Variants in AKT3 observed in about 807,000 individuals in gnomAD.
AKT3 encodes AKT serine/threonine kinase 3.
A neutral mutation model predicts 65.3 loss-of-function variants in AKT3; 15 were observed. That is an observed-to-expected ratio of 0.23 (90% confidence interval 0.15 to 0.35). The LOEUF (loss-of-function observed/expected upper bound fraction) is 0.35. Among genes scored for constraint, AKT3 ranks in the 10% least tolerant of loss-of-function variants. The probability of loss-of-function intolerance (pLI) is 1.00; values close to 1 mark genes in which losing one functional copy is unlikely to be tolerated. For missense variants in AKT3, 243 were observed against 576.5 expected, an observed-to-expected ratio of 0.42 and a Z score of 5.92; for synonymous variants, 206 against 183.8, an observed-to-expected ratio of 1.12 and a Z score of -0.98.
chr1:243,490,133 T>C (rs1666033772), intron 13 of AKT3, among the ~76,000 whole-genome samples: 1 of 152,224 alleles, frequency 6.6e-6, no homozygotes, highest in Admixed American at 6.5e-5. Context: ...AGTCTCATTC[T>C]CCTCACAAAA....
chr1:243,843,262 A>G lies in AKT3; in HGVS notation c.-92T>C, dbSNP rs1695357068. ...ATTCTCTGCTGCTGCTGCCCTTCCC[A>G]CTCTCTAGTGATGACTCAGCCTGGA... On this transcript the variant is annotated 5_prime_UTR_variant, in exon 2 of 14. Transcript: ENST00000673466. 1 of 1,525,084 alleles carries G rather than the reference A, an allele frequency of 6.6e-7. No individual in the cohort carries two copies. 94.5% of individuals were successfully genotyped at this position (1,525,084 alleles called of 1,614,324 possible). A position where few individuals can be genotyped will look rare whatever the true frequency, so the allele number is the denominator to read the frequency against.
At chr1:243,603,545 C>T (rs1002037014) in intron 8 of AKT3, among the ~76,000 whole-genome samples, 2 of 152,152 alleles carry the variant, frequency 1.3e-5, no homozygotes, top group African/African-American at 4.8e-5. Context: ...TTCCAGGCAC[C>T]ATCCTTGGCC....
At chr1:243,850,344 C>T (rs1166357578), upstream of AKT3, among the ~76,000 whole-genome samples, 4 of 141,372 alleles carry the variant, frequency 2.8e-5, no homozygotes, top group African/African-American at 7.7e-5. Flanking sequence ...GGAGAGAGGG[C>T]GGCGGCGGGG....
intron 6 of AKT3, 44 bp from the exon 7 acceptor site, chr1:243,615,205 CTGA>C (rs768125932): frequency 7.2e-6 from 10 of 1,383,168 alleles, no homozygotes; most frequent in Non-Finnish European, 9.1e-6. Context: ...GTTTTGAGCA[CTGA>C]TAATAATAAT....
At chr1:243,613,444 AAAG>A (rs1462010350) in intron 8 of AKT3, among the ~76,000 whole-genome samples, 4 of 152,140 alleles carry the variant, frequency 2.6e-5, no homozygotes, top group Middle Eastern at 3.2e-3. Context: ...AACACAGGAA[AAAG>A]AAGAATATGA....
intron 2 of AKT3, among the ~76,000 whole-genome samples, chr1:243,719,192 T>TA (rs1686717415): frequency 1.3e-5 from 2 of 152,152 alleles, no homozygotes; most frequent in South Asian, 4.2e-4. Flanking sequence ...AATTCCTTTT[T>TA]AAAAAAACCG....
intron 8 of AKT3, among the ~76,000 whole-genome samples, chr1:243,600,450 A>G (rs1308487809): frequency 6.6e-6 from 1 of 152,182 alleles, no homozygotes; most frequent in African/African-American, 2.4e-5. Context: ...AGTGTGGTAT[A>G]GGTTTCAGGA....
At chr1:243,718,421 C>G (rs543606773) in intron 2 of AKT3, among the ~76,000 whole-genome samples, 126 of 152,092 alleles carry the variant, frequency 8.3e-4, no homozygotes, top group Admixed American at 3.2e-3. Flanking sequence ...AAAAAGCTAT[C>G]TAAAGCCACA....
At chr1:243,747,632 T>C (rs946460944) in intron 2 of AKT3, among the ~76,000 whole-genome samples, 5 of 152,204 alleles carry the variant, frequency 3.3e-5, no homozygotes, top group African/African-American at 1.2e-4. Context: ...ATATCTTCAA[T>C]GAACAGACCA....
intron 6 of AKT3, among the ~76,000 whole-genome samples, chr1:243,615,456 A>G (rs1678229210): frequency 6.6e-6 from 1 of 152,194 alleles, no homozygotes; most frequent in African/African-American, 2.4e-5. Context: ...ACAGAAAATT[A>G]AATATTGAGC....
chr1:243,763,470 G>A (rs773080256), intron 2 of AKT3, among the ~76,000 whole-genome samples: 2 of 151,960 alleles, frequency 1.3e-5, no homozygotes, highest in African/African-American at 4.8e-5. Context: ...ACCCATTCAG[G>A]ACAAAAGACT....
At chr1:243,710,655 T>C in intron 2 of AKT3, among the ~76,000 whole-genome samples, 1 of 152,048 alleles carries the variant, frequency 6.6e-6, no homozygotes, top group East Asian at 1.9e-4. Context: ...AAAAGAAAAA[T>C]GTAAAGAACC....
At chr1:243,689,196 T>C (rs1531243) in intron 3 of AKT3, among the ~76,000 whole-genome samples, 120,068 of 152,018 alleles carry the variant, frequency 0.79, 48,296 homozygotes, top group Non-Finnish European at 0.87. Flanking sequence ...TTATTATATA[T>C]TCCTTTCACT....
chr1:243,557,515 G>A (rs1413180200), intron 10 of AKT3, among the ~76,000 whole-genome samples: 1 of 152,002 alleles, frequency 6.6e-6, no homozygotes, highest in African/African-American at 2.4e-5. Flanking sequence ...TAAACATTGA[G>A]AGGCGTTAAT....
At chr1:243,686,181 C>A (rs1684276932) in intron 3 of AKT3, among the ~76,000 whole-genome samples, 2 of 152,040 alleles carry the variant, frequency 1.3e-5, no homozygotes, top group South Asian at 4.1e-4. Context: ...CCATACTGCC[C>A]AAAGTAATTT....
At chr1:243,713,732 C>T (rs1047990324) in intron 2 of AKT3, among the ~76,000 whole-genome samples, 11 of 118,266 alleles carry the variant, frequency 9.3e-5, no homozygotes, top group Non-Finnish European at 1.7e-4. Context: ...CGCTACAAGG[C>T]TGCTTTGCCT....
chr1:243,850,648 G>A (rs1378788416), upstream of AKT3, among the ~76,000 whole-genome samples: 1 of 151,924 alleles, frequency 6.6e-6, no homozygotes, highest in Non-Finnish European at 1.5e-5. Flanking sequence ...TGACGTCAGG[G>A]GCTGGCTCTC....
chr1:243,770,320 C>A (rs1418527444), intron 2 of AKT3, among the ~76,000 whole-genome samples: 40 of 151,908 alleles, frequency 2.6e-4, no homozygotes, highest in Non-Finnish European at 1.5e-5. Flanking sequence ...TTATCCTATC[C>A]CATTATTTAA....
At chr1:243,517,372 C>T (rs1233518144) in intron 12 of AKT3, among the ~76,000 whole-genome samples, 1 of 152,206 alleles carries the variant, frequency 6.6e-6, no homozygotes, top group African/African-American at 2.4e-5. Context: ...TTACCAATTT[C>T]TCTCCAATTG....
Sources: gnomAD v4.1 joint callset for allele counts (sites outside exome capture counted in the v4.1 genomes callset) on GRCh38, gnomAD v4.1.1 for gene constraint, MANE v1.5 for transcripts, NCBI Gene and HGNC (gene_info 2026-07-23, HGNC 2026-07-21) for gene names.